Variants in TRIM9 observed in about 807,000 individuals in gnomAD.
TRIM9 encodes the protein E3 ubiquitin-protein ligase TRIM9.
TRIM9 carries 26 observed loss-of-function variants against 78.3 expected under a neutral mutation model. The observed-to-expected ratio is 0.33, with a 90% CI of 0.24 to 0.46. The LOEUF (loss-of-function observed/expected upper bound fraction) is 0.46, where lower values mean the gene tolerates loss of function less well. TRIM9 is among the 20% of genes least tolerant of loss of function. TRIM9 has a pLI of 1.00. For synonymous variants in TRIM9, 398 were observed against 416.5 expected, an observed-to-expected ratio of 0.96 and a Z score of 0.54; for missense variants, 787 against 1,036.4, an observed-to-expected ratio of 0.76 and a Z score of 3.30.
chr14:51,094,075 T>G, intron 1 of TRIM9, 43 bp downstream of exon 1: 1 of 1,563,026 alleles, frequency 6.4e-7, no homozygotes, highest in Non-Finnish European at 8.7e-7. Context: ...AACCGGATGA[T>G]CGGAGACGCA....
intron 1 of TRIM9, among the ~76,000 whole-genome samples, chr14:51,037,134 T>C (rs2059219624): frequency 6.6e-6 from 1 of 152,184 alleles, no homozygotes; most frequent in Non-Finnish European, 1.5e-5. Flanking sequence ...CCTCACTACA[T>C]TCCTCAAAAT....
In TRIM9 at chr14:51,000,708, T is replaced by C; in HGVS notation, c.1439A>G (p.Asp480Gly). 1 of 1,614,168 alleles carries C rather than the reference T, an allele frequency of 6.2e-7. No individual in the cohort carries two copies. The highest frequency in any genetic ancestry group is 8.5e-7 in the Non-Finnish European group (1 of 1,180,002). ...VPADGYILEL[D>G]DGNGGQFREV... Reference sequence around the variant, plus strand: ...CCGGAATTGACCACCGTTGCCATCATCCAGCTCCAGAATGTATCCATCGGC... The same window carrying C: ...CCGGAATTGACCACCGTTGCCATCACCCAGCTCCAGAATGTATCCATCGGC... Residue 480 changes from aspartate to glycine, a missense_variant, in exon 6 of 13, where the codon GAT (aspartate) becomes GGT (glycine). This residue lies in a region of TRIM9 where 421 missense variants were observed against 514.3 expected (regional missense o/e 0.82). Transcript: ENST00000684578.
At chr14:50,992,161 G>T (rs1404138898) in intron 7 of TRIM9, among the ~76,000 whole-genome samples, 1 of 152,238 alleles carries the variant, frequency 6.6e-6, no homozygotes, top group East Asian at 1.9e-4. Context: ...GATTAGATGG[G>T]CTGAGGTGTT....
Position 51,025,424 on chromosome 14 carries a change from G to T in TRIM9, c.823-64C>A, listed in dbSNP as rs1414312593. ...CAGGATACACCAACAAGGCCAGCGAGACTCAAAACTGAAGAGTCATCAACC... is the reference window on the plus strand; with the variant it reads ...CAGGATACACCAACAAGGCCAGCGATACTCAAAACTGAAGAGTCATCAACC... On this transcript the variant is annotated intron_variant, in intron 1 of 12. Transcript: ENST00000684578. 4 of 1,462,358 alleles carry T rather than the reference G, an allele frequency of 2.7e-6. No individual in the cohort carries two copies. In the Admixed American group the frequency reaches 5.2e-5, roughly 19 times the overall value. 90.6% of individuals were successfully genotyped at this position (1,462,358 alleles called of 1,614,324 possible). A position where few individuals can be genotyped will look rare whatever the true frequency, so the allele number is the denominator to read the frequency against.
In TRIM9 at chr14:51,077,397, T is replaced by G. The variant is rs1054636234; in HGVS notation, c.822+16721A>C. On this transcript the variant is annotated intron_variant, in intron 1 of 12. Transcript: ENST00000684578. ...TCATCTCCAATTCTGTTTTTTTTTTTTTTTTTTTTTTTTGAGACAGTGTCT... is the reference window on the plus strand; with the variant it reads ...TCATCTCCAATTCTGTTTTTTTTTTGTTTTTTTTTTTTTGAGACAGTGTCT... Among the ~76,000 whole-genome samples, 200 of 93,280 alleles carry G rather than the reference T, an allele frequency of 2.1e-3. 2 individuals carry two copies. The highest frequency in any genetic ancestry group is 5.8e-3 in the African/African-American group (166 of 28,634). 61.2% of individuals were successfully genotyped at this position (93,280 alleles called of 152,430 possible).
At chr14:51,063,253 G>A (rs74054017) in intron 1 of TRIM9, among the ~76,000 whole-genome samples, 3,802 of 151,932 alleles carry the variant, frequency 0.025, 163 homozygotes, top group African/African-American at 0.088. Flanking sequence ...TGGAGTAGGC[G>A]GAATAAAAAA....
At chr14:51,002,075 A>G (rs1284237863) in intron 5 of TRIM9, among the ~76,000 whole-genome samples, 11 of 152,060 alleles carry the variant, frequency 7.2e-5, no homozygotes, top group Non-Finnish European at 1.5e-4. Flanking sequence ...TCACATATAA[A>G]CTTAATATAT....
Position 50,993,306 on chromosome 14 carries a change from T to C in TRIM9, c.1603+4744A>G, listed in dbSNP as rs182762260. Reference sequence around the variant, plus strand: ...GACCTGATAAAGAGTTTGGATATTATGCTGGAAATGATGGCCACTCCCACA... The same window carrying C: ...GACCTGATAAAGAGTTTGGATATTACGCTGGAAATGATGGCCACTCCCACA... On this transcript the variant is annotated intron_variant, in intron 7 of 12. Coordinates refer to ENST00000684578, the MANE Select transcript of TRIM9 (RefSeq NM_001387360.1). Among the ~76,000 whole-genome samples, 290 of 151,814 alleles carry C rather than the reference T, an allele frequency of 1.9e-3. 2 individuals are homozygous for C. Among genetic ancestry groups the C allele is most frequent in the Non-Finnish European group, 3.4e-4 (23 of 67,990 alleles).
At chr14:51,075,398 C>T (rs1004093768) in intron 1 of TRIM9, among the ~76,000 whole-genome samples, 21 of 152,046 alleles carry the variant, frequency 1.4e-4, no homozygotes, top group African/African-American at 3.6e-4. Flanking sequence ...GTTAGTAACT[C>T]GTCGGTGTAC....
At chr14:51,085,489 G>A (rs910469661) in intron 1 of TRIM9, among the ~76,000 whole-genome samples, 3 of 152,216 alleles carry the variant, frequency 2.0e-5, no homozygotes, top group East Asian at 1.9e-4. Flanking sequence ...TATCCTCCTC[G>A]GTTCACATAT....
intron 5 of TRIM9, among the ~76,000 whole-genome samples, chr14:51,002,456 GC>G (rs1450443421): frequency 6.6e-6 from 1 of 152,040 alleles, no homozygotes; most frequent in Non-Finnish European, 1.5e-5. Context: ...TTTGCCAGCT[GC>G]TTAAAAATTT....
intron 1 of TRIM9, among the ~76,000 whole-genome samples, chr14:51,078,782 C>T (rs895486438): frequency 5.9e-5 from 9 of 152,156 alleles, no homozygotes; most frequent in East Asian, 1.9e-4. Context: ...AATAATTCAA[C>T]GGAGGAGATA....
intron 1 of TRIM9, among the ~76,000 whole-genome samples, chr14:51,077,146 T>C (rs560993709): frequency 1.4e-4 from 21 of 152,206 alleles, no homozygotes; most frequent in Non-Finnish European, 2.6e-4. Flanking sequence ...TCCTAACTTA[T>C]GTACAGTGTC....
intron 1 of TRIM9, among the ~76,000 whole-genome samples, chr14:51,063,252 C>A (rs4606614): frequency 6.6e-6 from 1 of 151,728 alleles, no homozygotes; most frequent in Non-Finnish European, 1.5e-5. Flanking sequence ...CTGGAGTAGG[C>A]GGAATAAAAA....
At chr14:51,085,551 C>T (rs760976752) in intron 1 of TRIM9, among the ~76,000 whole-genome samples, 36 of 152,126 alleles carry the variant, frequency 2.4e-4, no homozygotes, top group Admixed American at 2.0e-4. Flanking sequence ...AACTGGAATA[C>T]GCATATTTTC....
intron 1 of TRIM9, among the ~76,000 whole-genome samples, chr14:51,039,840 G>C (rs991531570): frequency 6.6e-6 from 1 of 151,680 alleles, no homozygotes; most frequent in Non-Finnish European, 1.5e-5. Flanking sequence ...TCTGCCTCCC[G>C]GGTTCACACC....
intron 7 of TRIM9, among the ~76,000 whole-genome samples, chr14:50,986,966 G>A (rs1437986389): frequency 6.6e-6 from 1 of 152,216 alleles, no homozygotes; most frequent in Admixed American, 6.5e-5. Context: ...AGAAGGGCAT[G>A]AGTTAGTTTC....
rs141767867 is a variant in TRIM9 at position 51,083,388 on chromosome 14, C to T, written c.822+10730G>A. ...TGCCTCAGGAGGATCCTCAGTAGCT[C>T]GGACTACAGGCATGCGCCACCATGC... is the stretch of plus-strand genomic sequence containing the variant. On this transcript the variant is annotated intron_variant, in intron 1 of 12. Transcript: ENST00000684578. Among the ~76,000 whole-genome samples, 80 of 152,020 alleles carry T rather than the reference C, an allele frequency of 5.3e-4. 1 individual carries two copies. The East Asian group carries it at 7.7e-3, about 15-fold the overall frequency.
At position 50,983,426 on chromosome 14, in the gene TRIM9, A is replaced by G. The variant is rs1010575603; in HGVS notation, c.1793-5T>C. On this transcript the variant is annotated splice_polypyrimidine_tract_variant and splice_region_variant and intron_variant, in intron 8 of 12. Transcript: ENST00000684578. ...ATTGTGTCTCAAAATTGCATCCTAT[A>G]AAGAGATACTACACATCAACGCTAT... The G allele has an allele frequency of 1.8e-5, 28 of 1,541,886 alleles. No homozygotes were observed. The highest frequency in any genetic ancestry group is 9.8e-5 in the East Asian group (4 of 40,712).
Sources: allele counts gnomAD v4.1 joint callset (sites outside exome capture counted in the v4.1 genomes callset), GRCh38; gene constraint gnomAD v4.1.1; regional missense constraint gnomAD v4.1.1; transcripts MANE v1.5; gene names NCBI Gene and HGNC (gene_info 2026-07-23, HGNC 2026-07-21).